CHCHD6: variants seen among roughly 807,000 people sequenced by gnomAD.
The protein encoded by CHCHD6 is coiled-coil-helix-coiled-coil-helix domain containing 6.
A neutral mutation model predicts 32.3 loss-of-function variants in CHCHD6; 28 were observed. The observed-to-expected ratio is 0.87, with a 90% confidence interval of 0.64 to 1.19. The LOEUF (loss-of-function observed/expected upper bound fraction) is 1.19, where lower values mean the gene tolerates loss of function less well. Among genes scored for constraint, CHCHD6 ranks in the 50% most tolerant of loss-of-function variants. The probability of loss-of-function intolerance (pLI) is 0.00; values close to 1 mark genes in which losing one functional copy is unlikely to be tolerated. For synonymous variants in CHCHD6, 122 were observed against 117.5 expected (o/e 1.04, Z -0.25); for missense variants, 333 against 307.0 (o/e 1.08, Z -0.63).
intron 4 of CHCHD6, among the ~76,000 whole-genome samples, chr3:126,789,094 A>G (rs1938385084): frequency 2.0e-5 from 3 of 152,220 alleles, no homozygotes; most frequent in African/African-American, 7.2e-5. Context: ...TTAATCATTC[A>G]GGAGCAGGTT....
chr3:126,775,844 C>G (rs907160969), intron 4 of CHCHD6, among the ~76,000 whole-genome samples: 1 of 152,166 alleles, frequency 6.6e-6, no homozygotes, highest in African/African-American at 2.4e-5. Flanking sequence ...TAAAGGAACC[C>G]TGCTGGGGTC....
chr3:126,822,889 C>T (rs1343991470), intron 4 of CHCHD6, among the ~76,000 whole-genome samples: 14 of 151,794 alleles, frequency 9.2e-5, no homozygotes. Context: ...TTGTAATTAT[C>T]TTGTATATCT....
chr3:126,873,519 T>C (rs1170632196), intron 5 of CHCHD6, among the ~76,000 whole-genome samples: 2 of 152,088 alleles, frequency 1.3e-5, no homozygotes, highest in Non-Finnish European at 2.9e-5. Flanking sequence ...ATTCAGAATG[T>C]GAGATGCCAG....
intron 5 of CHCHD6, among the ~76,000 whole-genome samples, chr3:126,910,388 T>C (rs1030000344): frequency 3.9e-5 from 6 of 152,172 alleles, no homozygotes; most frequent in African/African-American, 1.2e-4. Context: ...AGCCTGCAGC[T>C]GGCATCCTCC....
At chr3:126,891,907 G>A (rs910778661) in intron 5 of CHCHD6, among the ~76,000 whole-genome samples, 6 of 152,122 alleles carry the variant, frequency 3.9e-5, no homozygotes, top group Admixed American at 1.3e-4. Context: ...CGGTGGCCCC[G>A]TGTTCTGGGG....
chr3:126,818,394 T>A (rs1940000677), intron 4 of CHCHD6, among the ~76,000 whole-genome samples: 1 of 152,142 alleles, frequency 6.6e-6, no homozygotes, highest in Admixed American at 6.5e-5. Flanking sequence ...AAGTTCTAAG[T>A]CTCCCAGAGG....
intron 4 of CHCHD6, among the ~76,000 whole-genome samples, chr3:126,776,790 T>C (rs1247095398): frequency 6.6e-6 from 1 of 152,210 alleles, no homozygotes; most frequent in Non-Finnish European, 1.5e-5. Context: ...CATCATTTTT[T>C]TTCTTAGTGG....
chr3:126,801,136 C>T (rs753978979), intron 4 of CHCHD6, among the ~76,000 whole-genome samples: 9 of 152,260 alleles, frequency 5.9e-5, no homozygotes, highest in East Asian at 1.9e-4. Context: ...GTGAGCGACG[C>T]AGAAGATGGG....
chr3:126,812,313 GTGT>G (rs1939689541), intron 4 of CHCHD6, among the ~76,000 whole-genome samples: 1 of 74,788 alleles, frequency 1.3e-5, no homozygotes, highest in Non-Finnish European at 2.4e-5. Flanking sequence ...TAGTCCATGT[GTGT>G]TTTTTTTTTT....
intron 5 of CHCHD6, among the ~76,000 whole-genome samples, chr3:126,908,316 C>A (rs114169922): frequency 0.022 from 3,329 of 152,336 alleles, 53 homozygotes; most frequent in Non-Finnish European, 0.031. Context: ...CCTCAGACTC[C>A]TCTGTGCTTT....
chr3:126,778,491 C>T (rs780826222), intron 4 of CHCHD6, among the ~76,000 whole-genome samples: 4 of 152,260 alleles, frequency 2.6e-5, no homozygotes, highest in African/African-American at 9.6e-5. Flanking sequence ...ATTGTGGTTA[C>T]GATTTGCATT....
intron 5 of CHCHD6, among the ~76,000 whole-genome samples, chr3:126,882,090 A>G (rs998825524): frequency 1.3e-5 from 2 of 152,150 alleles, no homozygotes; most frequent in Admixed American, 1.3e-4. Context: ...AACTCCAAAC[A>G]CACATCCTTC....
rs576526941 is a variant in CHCHD6, at chr3:126,814,293, C to T, written c.412-38354C>T. The stretch of plus-strand genomic sequence containing the variant: ...TCTCTTTGCTGAAGCACAGACAGGA[C>T]AGAGTTTATGAATATGATATTTTGA... On this transcript the variant is annotated intron_variant, in intron 4 of 7. Transcript: ENST00000290913. Among the ~76,000 whole-genome samples the T allele has an allele frequency of 3.3e-5, 5 of 152,306 alleles. No individual in the cohort carries two copies. In the South Asian group the frequency reaches 1.0e-3, roughly 32 times the overall value.
At chr3:126,895,685 G>A (rs553281149) in intron 5 of CHCHD6, among the ~76,000 whole-genome samples, 1 of 152,346 alleles carries the variant, frequency 6.6e-6, no homozygotes, top group South Asian at 2.1e-4. Context: ...AACAGAGCTG[G>A]TTGCAGGAGG....
chr3:126,839,265 A>G (rs1409597827), intron 4 of CHCHD6, among the ~76,000 whole-genome samples: 2 of 152,198 alleles, frequency 1.3e-5, no homozygotes, highest in Non-Finnish European at 2.9e-5. Context: ...CCTAGCCTCC[A>G]GCCTCCAGGA....
At chr3:126,933,746 A>C (rs2078438436) in intron 6 of CHCHD6, among the ~76,000 whole-genome samples, 1 of 152,218 alleles carries the variant, frequency 6.6e-6, no homozygotes. Context: ...TGAGATTTGG[A>C]GACTGAAATA....
intron 4 of CHCHD6, among the ~76,000 whole-genome samples, chr3:126,798,834 G>A (rs373214682): frequency 8.5e-5 from 13 of 152,324 alleles, no homozygotes; most frequent in African/African-American, 2.9e-4. Flanking sequence ...TCCAGTGCCT[G>A]ATTCATCCAG....
At chr3:126,729,017 A>G (rs2107657579) in intron 2 of CHCHD6, among the ~76,000 whole-genome samples, 1 of 152,224 alleles carries the variant, frequency 6.6e-6, no homozygotes, top group East Asian at 1.9e-4. Context: ...TTCTTCTCAT[A>G]CTATACCCCC....
intron 5 of CHCHD6, among the ~76,000 whole-genome samples, chr3:126,888,442 A>G (rs762113963): frequency 5.3e-5 from 8 of 152,086 alleles, no homozygotes; most frequent in Admixed American, 2.0e-4. Context: ...ACTTAATTGT[A>G]TTTATCCATT....
Sources: gnomAD v4.1 joint callset for allele counts (sites outside exome capture counted in the v4.1 genomes callset) on GRCh38, gnomAD v4.1.1 for gene constraint, MANE v1.5 for transcripts, NCBI Gene and HGNC (gene_info 2026-07-23, HGNC 2026-07-21) for gene names.